The following DNAI4 variants were observed in gnomAD, a reference collection of about 807,000 sequenced individuals.
The protein encoded by DNAI4 is dynein axonemal intermediate chain 4, also known as WD repeat domain 78.
Under a neutral mutation model 105.8 loss-of-function variants are expected in DNAI4, and 85 were observed. The ratio of observed to expected loss-of-function variants is 0.80; its 90% CI spans 0.67 to 0.96. The LOEUF (loss-of-function observed/expected upper bound fraction) is 0.96. DNAI4 is among the 40% of genes least tolerant of loss of function. The pLI, the probability that DNAI4 is intolerant of heterozygous loss-of-function variation, is 0.00. For missense variants in DNAI4, 1,014 were observed against 1,005.6 expected (o/e 1.01, Z -0.11); for synonymous variants, 352 against 331.5 (o/e 1.06, Z -0.67).
intron 6 of DNAI4, among the ~76,000 whole-genome samples, chr1:66,866,655 A>C (rs1182032778): frequency 6.6e-6 from 1 of 152,132 alleles, no homozygotes; most frequent in East Asian, 1.9e-4. Flanking sequence ...TTCTTGAAAA[A>C]ATATACAGGA....
Position 66,876,065 on chromosome 1 carries a change from T to C in DNAI4, c.644-1128A>G, listed in dbSNP as rs148735725. 8.2e-3 allele frequency among the ~76,000 whole-genome samples: 1,244 copies of C among 152,134 alleles called. 15 individuals carry two copies. The highest frequency in any genetic ancestry group is 0.029 in the African/African-American group (1,194 of 41,556). On this transcript the variant is annotated intron_variant, in intron 4 of 16. Transcript: ENST00000371026. ...CTTCTTTAGTTTTGGGTGATTCTTC[T>C]TTTTTAAAAATATTCTTTAATTTTT...
At position 66,833,630 on chromosome 1, in the gene DNAI4, C is replaced by A; in HGVS notation, c.1968G>T (p.Leu656Phe). Residue 656 changes from leucine to phenylalanine, a missense_variant, in exon 13 of 17, where the codon TTG (leucine) becomes TTT (phenylalanine). By Grantham distance (22) the Leu-to-Phe change is conservative (BLOSUM62 0). Transcript: ENST00000371026. The stretch of plus-strand genomic sequence containing the variant: ...ACATTCCAGGAGCCTGTCGAGATAT[C>A]AAAGCTTCATCTTTCTTTTCCTTTT... Reference protein sequence around the residue: ...GGEKEKKDEALISRQAPGMCF... With the variant: ...GGEKEKKDEAFISRQAPGMCF... 1 of 1,613,394 alleles carries A rather than the reference C, an allele frequency of 6.2e-7. No homozygotes were observed.
At chr1:66,883,931 A>G (rs1647135845) in intron 4 of DNAI4, among the ~76,000 whole-genome samples, 1 of 152,206 alleles carries the variant, frequency 6.6e-6, no homozygotes, top group Non-Finnish European at 1.5e-5. Context: ...GACTTTTTAA[A>G]AAAACATACT....
At chr1:66,858,269 C>A (rs1246017479) in intron 7 of DNAI4, among the ~76,000 whole-genome samples, 2 of 151,942 alleles carry the variant, frequency 1.3e-5, no homozygotes, top group African/African-American at 2.4e-5. Flanking sequence ...GTGGCTCACG[C>A]CTGTAATCCC....
intron 13 of DNAI4, chr1:66,828,509 A>G (rs1478927949): frequency 2.0e-5 from 3 of 152,166 alleles, no homozygotes; most frequent in Non-Finnish European, 4.4e-5. Context: ...CCTGTTTTTA[A>G]TTCCTAATTA....
Position 66,871,129 on chromosome 1 carries a change from G to A in DNAI4, c.940+241C>T. On this transcript the variant is annotated intron_variant, in intron 6 of 16. Coordinates refer to ENST00000371026, the MANE Select transcript of DNAI4 (RefSeq NM_024763.5). ...TATATAAACGTTTAAAGAGTATAAA[G>A]TTCTATGATATAGTATGCATAAAAA... The A allele has an allele frequency of 1.2e-5, 5 of 429,300 alleles. No individual in the cohort carries two copies. The East Asian group carries it at 1.8e-4, about 15-fold the overall frequency. The allele number at this position is 429,300 out of a possible 1,614,324, so 26.6% of individuals were successfully genotyped here. A position where few individuals can be genotyped will look rare whatever the true frequency, so the allele number is the denominator to read the frequency against.
At chr1:66,875,284 G>A (rs1176636782) in intron 4 of DNAI4, among the ~76,000 whole-genome samples, 1 of 152,036 alleles carries the variant, frequency 6.6e-6, no homozygotes, top group Non-Finnish European at 1.5e-5. Flanking sequence ...ATATTTAGGG[G>A]GCATAATAAG....
At chr1:66,898,558 T>TCA (rs1459718621) in intron 2 of DNAI4, among the ~76,000 whole-genome samples, 1 of 152,104 alleles carries the variant, frequency 6.6e-6, no homozygotes, top group Non-Finnish European at 1.5e-5. Flanking sequence ...AAAAGTCAGT[T>TCA]TCTCCATCTC....
At chr1:66,846,829 C>T (rs1646286230) in intron 8 of DNAI4, among the ~76,000 whole-genome samples, 1 of 152,166 alleles carries the variant, frequency 6.6e-6, no homozygotes, top group South Asian at 2.1e-4. Flanking sequence ...TCAGTTTCTT[C>T]ATTCATGTAT....
chr1:66,854,169 A>G lies in DNAI4; in HGVS notation c.1097-6491T>C, dbSNP rs1177962243. 2.0e-5 allele frequency among the ~76,000 whole-genome samples: 3 copies of G among 152,338 alleles called. No individual in the cohort carries two copies. In the South Asian group the frequency reaches 6.2e-4, roughly 32 times the overall value. On this transcript the variant is annotated intron_variant, in intron 7 of 16. Coordinates refer to ENST00000371026, the MANE Select transcript of DNAI4 (RefSeq NM_024763.5). ...CACTTTGTAAGGCCAAGGCAGGAGG[A>G]TTAGTTGACCTCAGGAGTTTGAGAA...
chr1:66,894,836 CAAGT>C (rs1648177524), intron 2 of DNAI4, among the ~76,000 whole-genome samples: 1 of 152,112 alleles, frequency 6.6e-6, no homozygotes, highest in Non-Finnish European at 1.5e-5. Flanking sequence ...TCTAGGAAAG[CAAGT>C]GTTTCCACTG....
At chr1:66,821,440 T>C (rs1453442267) in intron 16 of DNAI4, among the ~76,000 whole-genome samples, 4 of 152,136 alleles carry the variant, frequency 2.6e-5, no homozygotes, top group African/African-American at 7.2e-5. Context: ...GATTGTCAAA[T>C]TGCTTCCAAA....
chr1:66,829,530 A>C (rs1645825005), intron 13 of DNAI4, among the ~76,000 whole-genome samples: 1 of 152,174 alleles, frequency 6.6e-6, no homozygotes, highest in South Asian at 2.1e-4. Flanking sequence ...ATAATGCTAA[A>C]TATATGTATG....
chr1:66,866,790 G>T (rs1186368716), intron 6 of DNAI4, among the ~76,000 whole-genome samples: 3 of 152,154 alleles, frequency 2.0e-5, no homozygotes, highest in Non-Finnish European at 4.4e-5. Context: ...GAAGGCAGTT[G>T]TATTAGTCCA....
intron 2 of DNAI4, among the ~76,000 whole-genome samples, chr1:66,899,271 C>T (rs1648601624): frequency 6.6e-6 from 1 of 152,132 alleles, no homozygotes; most frequent in Non-Finnish European, 1.5e-5. Context: ...TTATGTGACT[C>T]TTTGATTCTA....
In DNAI4 at chr1:66,814,075, T is replaced by G; in HGVS notation, c.*55A>C. The G allele has an allele frequency of 7.0e-7, 1 of 1,428,766 alleles. No homozygotes were observed. Among genetic ancestry groups the G allele is most frequent in the East Asian group, 2.3e-5 (1 of 43,756 alleles). 88.5% of individuals were successfully genotyped at this position (1,428,766 alleles called of 1,614,324 possible). A position where few individuals can be genotyped will look rare whatever the true frequency, so the allele number is the denominator to read the frequency against. Reference sequence around the variant, plus strand: ...GTGTACAGTATGTAATACAGAATATTGGATGTTAATTCCTTTTTTAAAACA... The same window carrying G: ...GTGTACAGTATGTAATACAGAATATGGGATGTTAATTCCTTTTTTAAAACA... On this transcript the variant is annotated 3_prime_UTR_variant, in exon 17 of 17. Coordinates refer to ENST00000371026, the MANE Select transcript of DNAI4 (RefSeq NM_024763.5).
At chr1:66,880,047 C>T (rs554074369) in intron 4 of DNAI4, among the ~76,000 whole-genome samples, 18 of 151,912 alleles carry the variant, frequency 1.2e-4, no homozygotes, top group South Asian at 4.1e-4. Flanking sequence ...GTTTTAAAAG[C>T]GGGAGTTTCC....
chr1:66,880,234 C>T (rs1223414319), intron 4 of DNAI4, among the ~76,000 whole-genome samples: 2 of 152,114 alleles, frequency 1.3e-5, no homozygotes, highest in African/African-American at 2.4e-5. Flanking sequence ...TGGACTAATA[C>T]AGTAAATTGG....
chr1:66,869,073 A>AAAATAAATAAAT (rs547848121), intron 6 of DNAI4, among the ~76,000 whole-genome samples: 1,927 of 148,716 alleles, frequency 0.013, 47 homozygotes, highest in African/African-American at 0.045. Context: ...ACTCTGTCTC[A>AAAATAAATAAAT]AAATAAATAA....
Sources: allele counts gnomAD v4.1 joint callset (sites outside exome capture counted in the v4.1 genomes callset), GRCh38; gene constraint gnomAD v4.1.1; transcripts MANE v1.5; gene names NCBI Gene and HGNC (gene_info 2026-07-23, HGNC 2026-07-21).